SMARCC1: variants seen among roughly 807,000 people sequenced by gnomAD.
The protein encoded by SMARCC1 is SWI/SNF related BAF chromatin remodeling complex subunit C1.
Under a neutral mutation model 147.4 loss-of-function variants are expected in SMARCC1, and 43 were observed. The observed-to-expected ratio is 0.29, with a 90% CI of 0.23 to 0.38. The LOEUF is 0.38. SMARCC1 is among the 10% of genes least tolerant of loss of function. The pLI is 1.00. For synonymous variants in SMARCC1, 495 were observed against 484.4 expected, an observed-to-expected ratio of 1.02 and a Z score of -0.29; for missense variants, 1,119 against 1,381.1, an observed-to-expected ratio of 0.81 and a Z score of 3.01.
chr3:47,650,894 A>G (rs1359666962), intron 21 of SMARCC1, among the ~76,000 whole-genome samples: 1 of 152,242 alleles, frequency 6.6e-6, no homozygotes, highest in African/African-American at 2.4e-5. Context: ...TAGTGATGCA[A>G]TGAAGAAAAT....
Position 47,671,874 on chromosome 3 carries a change from T to C in SMARCC1, c.1840-1157A>G, listed in dbSNP as rs559840334. ...TATATGTCAATAAAGTTTCTCAGTT[T>C]AGATAATTAAAACTCTCAGTGCATT... On this transcript the variant is annotated intron_variant, in intron 18 of 27. Coordinates refer to ENST00000254480, the MANE Select transcript of SMARCC1 (RefSeq NM_003074.4). Among the ~76,000 whole-genome samples the C allele has an allele frequency of 4.6e-5, 7 of 152,338 alleles. No homozygotes were observed. The South Asian group carries it at 1.2e-3, about 27-fold the overall frequency.
chr3:47,743,432 T>TA (rs1230964625), intron 3 of SMARCC1, among the ~76,000 whole-genome samples: 4 of 152,190 alleles, frequency 2.6e-5, no homozygotes, highest in Non-Finnish European at 4.4e-5. Flanking sequence ...GTATTACATA[T>TA]ATCTTCCTTT....
At chr3:47,647,911 C>T (rs993968275) in intron 21 of SMARCC1, among the ~76,000 whole-genome samples, 1 of 152,190 alleles carries the variant, frequency 6.6e-6, no homozygotes, top group African/African-American at 2.4e-5. Context: ...CTCTGAATAA[C>T]TTTCCACTTC....
At chr3:47,701,434 A>G (rs761669349) in intron 10 of SMARCC1, 32 bp from the exon 11 acceptor site, 2 of 1,600,096 alleles carry the variant, frequency 1.2e-6, no homozygotes, top group Non-Finnish European at 8.6e-7. Flanking sequence ...AATATAAACA[A>G]GACTGATTAT....
At chr3:47,774,736 C>T (rs1245023944) in intron 1 of SMARCC1, among the ~76,000 whole-genome samples, 2 of 152,004 alleles carry the variant, frequency 1.3e-5, no homozygotes, top group Non-Finnish European at 2.9e-5. Context: ...AAACTACATA[C>T]TACTTTCCCC....
At chr3:47,672,458 GGCCTCC>G (rs1285056689) in intron 18 of SMARCC1, among the ~76,000 whole-genome samples, 1 of 151,958 alleles carries the variant, frequency 6.6e-6, no homozygotes, top group Non-Finnish European at 1.5e-5. Context: ...CGCATGCCTC[GGCCTCC>G]CAAAGTACTG....
intron 26 of SMARCC1, among the ~76,000 whole-genome samples, chr3:47,598,028 C>A (rs1373496732): frequency 6.6e-6 from 1 of 152,146 alleles, no homozygotes; most frequent in Non-Finnish European, 1.5e-5. Flanking sequence ...CAGAGACTTA[C>A]TATTCTAAGA....
chr3:47,596,269 G>C (rs2032280207), intron 26 of SMARCC1, among the ~76,000 whole-genome samples: 1 of 152,000 alleles, frequency 6.6e-6, no homozygotes, highest in Non-Finnish European at 1.5e-5. Flanking sequence ...TTTAGAAAAT[G>C]TTTAAGAGAT....
At chr3:47,631,489 A>C (rs1217549402) in intron 24 of SMARCC1, among the ~76,000 whole-genome samples, 1 of 152,190 alleles carries the variant, frequency 6.6e-6, no homozygotes, top group African/African-American at 2.4e-5. Context: ...TTCTCCTCTA[A>C]GCCTAAAGAC....
At chr3:47,678,486 C>G (rs982362769) in intron 15 of SMARCC1, 175 bp from the exon 16 acceptor site, 7 of 410,522 alleles carry the variant, frequency 1.7e-5, no homozygotes, top group African/African-American at 1.2e-4. Context: ...TTTAGAACCA[C>G]GAATATGCAA....
chr3:47,729,220 C>T, intron 5 of SMARCC1, 126 bp from the exon 6 acceptor site: 1 of 616,194 alleles, frequency 1.6e-6, no homozygotes, highest in Non-Finnish European at 2.7e-6. Context: ...ATAAAAAAGA[C>T]TTGCTTCTTT....
At chr3:47,736,255 A>C in intron 4 of SMARCC1, 129 bp from the exon 5 acceptor site, 1 of 567,700 alleles carries the variant, frequency 1.8e-6, no homozygotes, top group South Asian at 2.3e-5. Context: ...CATGACCTAA[A>C]GAAATTCAGC....
rs1226195291 is a variant in SMARCC1 at position 47,725,722 on chromosome 3, G to C, written c.646+3303C>G. Among the ~76,000 whole-genome samples the C allele has an allele frequency of 2.6e-5, 4 of 152,014 alleles. No homozygotes were observed. The South Asian group carries it at 6.2e-4, about 24-fold the overall frequency. ...CTGCCTCAGCATCCCAAAGTGCTGG[G>C]ATTATAGGCATGAGCCATCGGGCCC... On this transcript the variant is annotated intron_variant, in intron 6 of 27. Transcript: ENST00000254480.
At chr3:47,766,443 G>C (rs1377924780) in intron 2 of SMARCC1, among the ~76,000 whole-genome samples, 1 of 151,870 alleles carries the variant, frequency 6.6e-6, no homozygotes, top group Non-Finnish European at 1.5e-5. Context: ...AGTGGTGCAT[G>C]CTTGTCCCAA....
chr3:47,640,215 G>GA (rs2033030342), intron 21 of SMARCC1, among the ~76,000 whole-genome samples: 3 of 150,240 alleles, frequency 2.0e-5, no homozygotes, highest in Admixed American at 6.6e-5. Flanking sequence ...AGTGAAAAAA[G>GA]AAAACAATAT....
In SMARCC1 at chr3:47,756,650, G is replaced by A. The variant is rs144254031; in HGVS notation, c.316-10657C>T. 3.7e-3 allele frequency among the ~76,000 whole-genome samples: 564 copies of A among 152,032 alleles called. 4 individuals carry two copies. The highest frequency in any genetic ancestry group is 0.013 in the African/African-American group (529 of 41,436). On this transcript the variant is annotated intron_variant, in intron 2 of 27. Transcript: ENST00000254480. Reference sequence around the variant, plus strand: ...CAGGAAATGGCAAATAATGGTCCACGGGTCAAATGTAGTCCACTCTTGTTT... The same window carrying A: ...CAGGAAATGGCAAATAATGGTCCACAGGTCAAATGTAGTCCACTCTTGTTT...
At chr3:47,732,385 T>C (rs1443134678) in intron 5 of SMARCC1, among the ~76,000 whole-genome samples, 2 of 152,210 alleles carry the variant, frequency 1.3e-5, no homozygotes, top group African/African-American at 4.8e-5. Context: ...CATCCTATCA[T>C]TTGCATGTTC....
chr3:47,597,976 A>G (rs10440114), intron 26 of SMARCC1, among the ~76,000 whole-genome samples: 3,505 of 152,260 alleles, frequency 0.023, 214 homozygotes, highest in East Asian at 0.14. Flanking sequence ...CGGTGAAGGG[A>G]AGGTATAGAA....
chr3:47,710,591 G>T, intron 9 of SMARCC1, 92 bp downstream of exon 9: 2 of 1,292,738 alleles, frequency 1.5e-6, no homozygotes, highest in Non-Finnish European at 1.1e-6. Flanking sequence ...GTTCCTAAGT[G>T]GTTTGTATAT....
Sources: allele counts gnomAD v4.1 joint callset (sites outside exome capture counted in the v4.1 genomes callset), GRCh38; gene constraint gnomAD v4.1.1; transcripts MANE v1.5; gene names NCBI Gene and HGNC (gene_info 2026-07-23, HGNC 2026-07-21).